The following TMOD3 variants were observed in gnomAD, a reference collection of about 807,000 sequenced individuals.
TMOD3 encodes tropomodulin 3.
A neutral mutation model predicts 39.2 loss-of-function variants in TMOD3; 20 were observed. That is an observed-to-expected ratio of 0.51 (90% confidence interval 0.36 to 0.74). The LOEUF is 0.74. Ranked by LOEUF, TMOD3 falls within the 30% of genes least tolerant of loss-of-function variation. TMOD3 has a pLI of 0.00. For synonymous variants in TMOD3, 143 were observed against 145.8 expected, an observed-to-expected ratio of 0.98 and a Z score of 0.14; for missense variants, 381 against 412.8, an observed-to-expected ratio of 0.92 and a Z score of 0.67.
rs766591928 is a variant in TMOD3 at position 51,869,222 on chromosome 15, C to T, written c.132C>T (p.Ala44=). ...TVLDDLDPEN[A]LLPAGFRQKN... ...TGATTCATTCTCTCTGGCAGAATGCCCTTCTGCCTGCAGGGTTCCGGCAGA... is the reference window on the plus strand; with the variant it reads ...TGATTCATTCTCTCTGGCAGAATGCTCTTCTGCCTGCAGGGTTCCGGCAGA... Residue 44 remains alanine (A), a synonymous_variant, in exon 3 of 10, where the codon GCC becomes GCT. Coordinates refer to ENST00000308580, the MANE Select transcript of TMOD3 (RefSeq NM_014547.5). The T allele has an allele frequency of 1.3e-5, 21 of 1,613,392 alleles. No individual in the cohort carries two copies. The highest frequency in any genetic ancestry group is 1.7e-5 in the Non-Finnish European group (20 of 1,179,764).
intron 3 of TMOD3, among the ~76,000 whole-genome samples, chr15:51,875,773 G>A (rs2056499371): frequency 6.6e-6 from 1 of 151,858 alleles, no homozygotes; most frequent in Admixed American, 6.6e-5. Flanking sequence ...CCGCCACCAT[G>A]CCCAGCTAAT....
intron 8 of TMOD3, 49 bp from the exon 9 acceptor site, chr15:51,901,843 T>G (rs774706329): frequency 1.3e-6 from 2 of 1,568,314 alleles, no homozygotes; most frequent in Admixed American, 3.8e-5. Context: ...CCTTGAAAAG[T>G]ATTTTGATCT....
intron 2 of TMOD3, 107 bp downstream of exon 2, chr15:51,863,117 T>C (rs2570251): frequency 0.46 from 513,004 of 1,125,164 alleles, 118,520 homozygotes; most frequent in Admixed American, 0.58. Context: ...CTTCCACCCT[T>C]TCCTCCACTT....
intron 9 of TMOD3, among the ~76,000 whole-genome samples, chr15:51,906,930 G>T (rs1032187540): frequency 2.0e-5 from 3 of 150,200 alleles, no homozygotes; most frequent in African/African-American, 7.3e-5. Flanking sequence ...TGAGGCAGGA[G>T]AATTGCTTGA....
chr15:51,875,266 C>T (rs1018140460), intron 3 of TMOD3: 6 of 152,132 alleles, frequency 3.9e-5, no homozygotes, highest in Admixed American at 3.9e-4. Context: ...CCGCTAAGTC[C>T]AAAGGTAAAA....
intron 2 of TMOD3, among the ~76,000 whole-genome samples, chr15:51,864,391 T>A (rs138716831): frequency 9.3e-4 from 141 of 152,260 alleles, no homozygotes; most frequent in African/African-American, 3.3e-3. Context: ...GTTCTGTGCC[T>A]TGGAGGGATG....
chr15:51,859,274 C>G (rs906794688), intron 1 of TMOD3: 1 of 738,564 alleles, frequency 1.4e-6, no homozygotes, highest in South Asian at 1.3e-5. Context: ...GCCAGTAGAT[C>G]TGTCTGCAGT....
At chr15:51,850,468 C>T (rs945760044) in intron 1 of TMOD3, among the ~76,000 whole-genome samples, 2 of 151,912 alleles carry the variant, frequency 1.3e-5, no homozygotes, top group Non-Finnish European at 2.9e-5. Context: ...TCTATATTCT[C>T]AGTGAAATAT....
intron 3 of TMOD3, among the ~76,000 whole-genome samples, chr15:51,880,326 G>A (rs1484416340): frequency 1.3e-5 from 2 of 151,980 alleles, no homozygotes; most frequent in Non-Finnish European, 2.9e-5. Context: ...ATCTTTATTA[G>A]TAAAGGTGAT....
At chr15:51,891,500 G>C (rs2056593343) in intron 5 of TMOD3, among the ~76,000 whole-genome samples, 1 of 151,954 alleles carries the variant, frequency 6.6e-6, no homozygotes, top group Admixed American at 6.6e-5. Context: ...TTCCTCTTTG[G>C]GGGAATGAGA....
rs1400386734 is a variant in TMOD3, at chr15:51,909,050, T to G, written c.*240T>G. On this transcript the variant is annotated 3_prime_UTR_variant, in exon 10 of 10. Transcript: ENST00000308580. ...TTTAGTTTAATTGAATGATTTATGA[T>G]GAATCTTGGGCAAAAAAATACAACT... The G allele has an allele frequency of 8.5e-6, 3 of 352,430 alleles. No homozygotes were observed. The highest frequency in any genetic ancestry group is 1.5e-5 in the Non-Finnish European group (3 of 197,498). The allele number at this position is 352,430 out of a possible 1,614,324, so 21.8% of individuals were successfully genotyped here.
intron 1 of TMOD3, among the ~76,000 whole-genome samples, chr15:51,830,108 C>T (rs569162311): frequency 6.6e-6 from 1 of 152,258 alleles, no homozygotes; most frequent in East Asian, 1.9e-4. Context: ...GGCCCGGGCG[C>T]CCGGGTTCGG....
intron 3 of TMOD3, 97 bp downstream of exon 3, chr15:51,869,470 T>C (rs887197819): frequency 4.3e-5 from 51 of 1,177,388 alleles, no homozygotes; most frequent in Non-Finnish European, 1.3e-5. Flanking sequence ...GGTACATCAT[T>C]GGTAGCCTTA....
intron 1 of TMOD3, chr15:51,860,570 G>A (rs546925514): frequency 1.4e-4 from 79 of 571,324 alleles, no homozygotes; most frequent in Admixed American, 9.3e-4. Flanking sequence ...AAGCTGGCTT[G>A]TTGGAATGAA....
intron 9 of TMOD3, among the ~76,000 whole-genome samples, chr15:51,903,934 T>C (rs917498924): frequency 2.6e-5 from 4 of 152,222 alleles, no homozygotes; most frequent in African/African-American, 7.2e-5. Context: ...ATGTTCTCAT[T>C]AGTGCGCTAC....
intron 3 of TMOD3, among the ~76,000 whole-genome samples, chr15:51,876,887 C>T (rs1305331174): frequency 2.0e-5 from 3 of 152,078 alleles, no homozygotes; most frequent in Middle Eastern, 3.4e-3. Flanking sequence ...ACAGTGAGAC[C>T]GTGCCTCTAC....
intron 9 of TMOD3, among the ~76,000 whole-genome samples, chr15:51,903,470 C>G (rs765041676): frequency 2.0e-5 from 3 of 152,194 alleles, no homozygotes; most frequent in Non-Finnish European, 2.9e-5. Context: ...GTAAAAGTTT[C>G]TGGAGCAGGA....
At chr15:51,897,331 C>T (rs1445997837) in intron 7 of TMOD3, among the ~76,000 whole-genome samples, 2 of 152,142 alleles carry the variant, frequency 1.3e-5, no homozygotes, top group East Asian at 3.9e-4. Flanking sequence ...CCAGCTACCT[C>T]CTCAGCAGCT....
chr15:51,891,574 T>G (rs1260881266), intron 5 of TMOD3, among the ~76,000 whole-genome samples: 1 of 152,196 alleles, frequency 6.6e-6, no homozygotes, highest in Non-Finnish European at 1.5e-5. Flanking sequence ...ATGAACCTTT[T>G]GCTTAATAAT....
Sources: gnomAD v4.1 joint callset for allele counts (sites outside exome capture counted in the v4.1 genomes callset) on GRCh38, gnomAD v4.1.1 for gene constraint, MANE v1.5 for transcripts, NCBI Gene and HGNC (gene_info 2026-07-23, HGNC 2026-07-21) for gene names.